VKORC1L1: variants seen among roughly 807,000 people sequenced by gnomAD.
VKORC1L1 encodes vitamin K epoxide reductase complex subunit 1L1.
Under a neutral mutation model 18.9 loss-of-function variants are expected in VKORC1L1, and 2 were observed. The ratio of observed to expected loss-of-function variants is 0.11; its 90% CI spans 0.04 to 0.33. VKORC1L1 has a LOEUF of 0.33. VKORC1L1 is among the 10% of genes least tolerant of loss of function. VKORC1L1 has a pLI of 1.00. For missense variants in VKORC1L1, 123 were observed against 224.1 expected, an observed-to-expected ratio of 0.55 and a Z score of 2.88; for synonymous variants, 96 against 100.0, an observed-to-expected ratio of 0.96 and a Z score of 0.24.
intron 1 of VKORC1L1, among the ~76,000 whole-genome samples, chr7:65,909,738 GACGGAGGCTTGCTC>G (rs1789471892): frequency 7.0e-6 from 1 of 142,156 alleles, no homozygotes; most frequent in African/African-American, 2.7e-5. Flanking sequence ...GTGTGTGTGT[GACGGAGGCTTGCTC>G]TGTCGCCCAG....
chr7:65,932,654 T>G (rs1296936322), intron 1 of VKORC1L1, among the ~76,000 whole-genome samples: 1 of 152,254 alleles, frequency 6.6e-6, no homozygotes, highest in Non-Finnish European at 1.5e-5. Flanking sequence ...AGTTCTAGTT[T>G]AATTCTATTA....
chr7:65,914,085 T>C (rs530317973), intron 1 of VKORC1L1, among the ~76,000 whole-genome samples: 2 of 152,262 alleles, frequency 1.3e-5, no homozygotes, highest in East Asian at 1.9e-4. Context: ...TGTATTAATA[T>C]AGAGACAGTA....
chr7:65,872,307 G>C (rs1452849705), upstream of VKORC1L1, among the ~76,000 whole-genome samples: 1 of 151,312 alleles, frequency 6.6e-6, no homozygotes, highest in African/African-American at 2.4e-5. Context: ...GAAAAGCAAG[G>C]CATTCGTAAA....
At chr7:65,895,464 AAAAAAAAAAAAAAAAAATATATAT>A (rs1789176874) in intron 1 of VKORC1L1, among the ~76,000 whole-genome samples, 2 of 44,224 alleles carry the variant, frequency 4.5e-5, no homozygotes, top group African/African-American at 2.0e-4. Context: ...AAAAAAAAAA[AAAAAAAAAAAAAAAAAATATATAT>A]ATATATATAT....
chr7:65,929,324 A>G (rs1789817783), intron 1 of VKORC1L1, among the ~76,000 whole-genome samples: 1 of 152,122 alleles, frequency 6.6e-6, no homozygotes, highest in Admixed American at 6.6e-5. Flanking sequence ...AGGTGGGAGA[A>G]TAGCTTGAAC....
chr7:65,893,324 C>G (rs1583829504), intron 1 of VKORC1L1, among the ~76,000 whole-genome samples: 1 of 152,048 alleles, frequency 6.6e-6, no homozygotes, highest in South Asian at 2.1e-4. Flanking sequence ...GGCAGATAAC[C>G]TGAGGTTAGG....
intron 1 of VKORC1L1, among the ~76,000 whole-genome samples, chr7:65,906,895 C>T (rs1731656584): frequency 6.6e-6 from 1 of 152,126 alleles, no homozygotes; most frequent in South Asian, 2.1e-4. Context: ...TAAAGCAGTG[C>T]TTACGCTCAG....
intron 1 of VKORC1L1, among the ~76,000 whole-genome samples, chr7:65,875,433 T>C (rs1182210268): frequency 6.6e-6 from 1 of 152,148 alleles, no homozygotes; most frequent in Non-Finnish European, 1.5e-5. Context: ...TCTTTTTTTT[T>C]CTGAGACGGA....
chr7:65,873,088 G>A lies in VKORC1L1; in HGVS notation c.-284G>A, dbSNP rs1331895842. Among the ~76,000 whole-genome samples the A allele has an allele frequency of 6.8e-6, 1 of 146,332 alleles. No individual in the cohort carries two copies. The highest frequency in any genetic ancestry group is 1.5e-5 in the Non-Finnish European group (1 of 66,060). On this transcript the variant is annotated 5_prime_UTR_variant, in exon 1 of 3. Coordinates refer to ENST00000360768, the MANE Select transcript of VKORC1L1 (RefSeq NM_173517.6). ...CACGCCGCCTCAGTCTCCGCCCGCCGATCCGGCCTCTTCGGCCGTTGCGCA... is the reference window on the plus strand; with the variant it reads ...CACGCCGCCTCAGTCTCCGCCCGCCAATCCGGCCTCTTCGGCCGTTGCGCA...
chr7:65,951,083 ATG>A lies in VKORC1L1; in HGVS notation c.304+2307_304+2308del, dbSNP rs1444465775. On this transcript the variant is annotated intron_variant, in intron 2 of 2. Coordinates refer to ENST00000360768, the MANE Select transcript of VKORC1L1 (RefSeq NM_173517.6). ...ACATATTTTAAATCATATTTATCAC[ATG>A]TGTTTTTTCATTCGCATTTTTTGAC... Among the ~76,000 whole-genome samples, 5 of 140,290 alleles carry A rather than the reference ATG, an allele frequency of 3.6e-5. No homozygotes were observed. The East Asian group carries it at 9.4e-4, about 26-fold the overall frequency. 92.0% of individuals were successfully genotyped at this position (140,290 alleles called of 152,430 possible).
intron 1 of VKORC1L1, among the ~76,000 whole-genome samples, chr7:65,878,120 C>T (rs1327734515): frequency 6.6e-6 from 1 of 152,122 alleles, no homozygotes; most frequent in Non-Finnish European, 1.5e-5. Flanking sequence ...CTATTTACTA[C>T]CCCATTGAGA....
Position 65,954,644 on chromosome 7 carries a change from C to A in VKORC1L1, c.*344C>A. 3.1e-6 allele frequency: 1 copy of A among 324,950 alleles called. No homozygotes were observed. The highest frequency in any genetic ancestry group is 8.5e-5 in the South Asian group (1 of 11,818). The allele number at this position is 324,950 out of a possible 1,614,324, so 20.1% of individuals were successfully genotyped here. A position where few individuals can be genotyped will look rare whatever the true frequency, so the allele number is the denominator to read the frequency against. ...AGTAATTCTTTAATGTGTATAAATT[C>A]AATTTCAGGTATAACAAATGTGATC... On this transcript the variant is annotated 3_prime_UTR_variant, in exon 3 of 3. Coordinates refer to ENST00000360768, the MANE Select transcript of VKORC1L1 (RefSeq NM_173517.6).
chr7:65,894,259 T>A (rs538372380), intron 1 of VKORC1L1, among the ~76,000 whole-genome samples: 19 of 146,264 alleles, frequency 1.3e-4, no homozygotes, highest in South Asian at 4.3e-4. Flanking sequence ...CCAGCCAAAA[T>A]TTTTTTTTTT....
chr7:65,903,767 G>A (rs549497244), intron 1 of VKORC1L1, among the ~76,000 whole-genome samples: 4 of 68,686 alleles, frequency 5.8e-5, no homozygotes, highest in East Asian at 1.0e-3. Flanking sequence ...GAGCGAGACC[G>A]TGTCTCAAAA....
chr7:65,895,490 T>A lies in VKORC1L1; in HGVS notation c.194+21925T>A, dbSNP rs1272007131. On this transcript the variant is annotated intron_variant, in intron 1 of 2. Transcript: ENST00000360768. ...AAAAAAAAAAAAAAAAATATATATATATATATATATATATATATATATATA... is the reference window on the plus strand; with the variant it reads ...AAAAAAAAAAAAAAAAATATATATAAATATATATATATATATATATATATA... Among the ~76,000 whole-genome samples, 209 of 51,068 alleles carry A rather than the reference T, an allele frequency of 4.1e-3. 2 individuals carry two copies. Among genetic ancestry groups the A allele is most frequent in the East Asian group, 5.1e-3 (5 of 974 alleles). 33.5% of individuals were successfully genotyped at this position (51,068 alleles called of 152,430 possible).
intron 1 of VKORC1L1, among the ~76,000 whole-genome samples, chr7:65,906,248 C>G (rs1441433005): frequency 1.3e-5 from 2 of 151,780 alleles, no homozygotes; most frequent in East Asian, 1.9e-4. Flanking sequence ...CAGCCTGGTG[C>G]CAGTGGTCTC....
chr7:65,901,220 T>C (rs1414924842), intron 1 of VKORC1L1, among the ~76,000 whole-genome samples: 1 of 152,154 alleles, frequency 6.6e-6, no homozygotes, highest in Non-Finnish European at 1.5e-5. Flanking sequence ...GTTGAGGGCA[T>C]AGTAGCTGGC....
chr7:65,896,582 C>A (rs182441161), intron 1 of VKORC1L1, among the ~76,000 whole-genome samples: 1 of 146,338 alleles, frequency 6.8e-6, no homozygotes, highest in Non-Finnish European at 1.5e-5. Context: ...TTCCCTCCCT[C>A]CCTCCCTCCT....
chr7:65,942,325 A>C (rs1790048545), intron 1 of VKORC1L1, among the ~76,000 whole-genome samples: 1 of 151,450 alleles, frequency 6.6e-6, no homozygotes, highest in African/African-American at 2.4e-5. Flanking sequence ...ATCTCTACTA[A>C]AAATGCCAAA....
Sources: gnomAD v4.1 joint callset for allele counts (sites outside exome capture counted in the v4.1 genomes callset) on GRCh38, gnomAD v4.1.1 for gene constraint, MANE v1.5 for transcripts, NCBI Gene and HGNC (gene_info 2026-07-23, HGNC 2026-07-21) for gene names.